Variants in SMC1B observed in about 807,000 individuals in gnomAD.
SMC1B encodes structural maintenance of chromosomes protein 1B.
A neutral mutation model predicts 157.9 loss-of-function variants in SMC1B; 60 were observed. The observed-to-expected ratio is 0.38, with a 90% CI of 0.31 to 0.47. The LOEUF is 0.47. Among genes scored for constraint, SMC1B ranks in the 20% least tolerant of loss-of-function variants. The pLI is 0.99. For missense variants in SMC1B, 1,165 were observed against 1,426.2 expected (o/e 0.82, Z 2.95); for synonymous variants, 445 against 483.0 (o/e 0.92, Z 1.03).
Position 45,408,762 on chromosome 22 carries a change from A to G in SMC1B, c.246T>C (p.Ile82=), listed in dbSNP as rs562926577. ...CTTCGCCACTTTCCTCCACATATATAATTTTTACACTTGCAGAAGAAGAAA... is the reference window on the plus strand; with the variant it reads ...CTTCGCCACTTTCCTCCACATATATGATTTTTACACTTGCAGAAGAAGAAA... ...KPISSSASVK[I]IYVEESGEEK... The change falls in exon 2 of 25, where the codon ATT becomes ATC. Residue 82 remains isoleucine, a synonymous_variant. Transcript: ENST00000357450. The G allele has an allele frequency of 3.5e-5, 56 of 1,599,696 alleles. 1 individual carries two copies. The South Asian group carries it at 6.4e-4, about 18-fold the overall frequency.
chr22:45,387,490 C>T (rs1242097540), intron 10 of SMC1B, among the ~76,000 whole-genome samples: 1 of 152,068 alleles, frequency 6.6e-6, no homozygotes, highest in East Asian at 1.9e-4. Flanking sequence ...TATTACATAC[C>T]ATAAAAGATT....
At chr22:45,399,390 C>A (rs1199601632) in intron 5 of SMC1B, 37 bp from the exon 6 acceptor site, 1 of 1,542,962 alleles carries the variant, frequency 6.5e-7, no homozygotes, top group South Asian at 1.2e-5. Context: ...AAGAAAATTT[C>A]ATTTCTTTAA....
At chr22:45,353,911 A>C (rs962180657) in intron 21 of SMC1B, 67 bp downstream of exon 21, 10 of 714,094 alleles carry the variant, frequency 1.4e-5, no homozygotes, top group Middle Eastern at 3.8e-4. Context: ...AAAAAAAAAA[A>C]AAAAAAAAAC....
intron 1 of SMC1B, among the ~76,000 whole-genome samples, 165 bp downstream of exon 1, chr22:45,413,294 C>T (rs1294753165): frequency 6.6e-6 from 1 of 151,984 alleles, no homozygotes; most frequent in East Asian, 1.9e-4. Context: ...TGGGCAGGGG[C>T]TGGGCCAGGG....
At chr22:45,365,479 C>T (rs540084486) in intron 15 of SMC1B, among the ~76,000 whole-genome samples, 73 of 152,226 alleles carry the variant, frequency 4.8e-4, no homozygotes, top group Middle Eastern at 3.4e-3. Flanking sequence ...CTGAGGTTGG[C>T]AGATCGCTTG....
intron 2 of SMC1B, among the ~76,000 whole-genome samples, chr22:45,407,422 T>C (rs1299516872): frequency 6.6e-6 from 1 of 152,132 alleles, no homozygotes; most frequent in African/African-American, 2.4e-5. Context: ...TCTGCTCACC[T>C]GAGATAAATG....
At chr22:45,393,391 C>T (rs1254591142) in intron 9 of SMC1B, among the ~76,000 whole-genome samples, 1 of 152,134 alleles carries the variant, frequency 6.6e-6, no homozygotes, top group Non-Finnish European at 1.5e-5. Context: ...TTTCTGGGTA[C>T]TATGTTCATG....
At position 45,361,890 on chromosome 22, in the gene SMC1B, T is replaced by G; in HGVS notation, c.2657A>C (p.Lys886Thr). The G allele has an allele frequency of 6.2e-7, 1 of 1,614,174 alleles. No individual in the cohort carries two copies. The highest frequency in any genetic ancestry group is 8.5e-7 in the Non-Finnish European group (1 of 1,180,006). ...IRVTQNSSAE[K>T]VQTQIEEERK... ...TTCCTCTTCAATTTGAGTTTGAACT[T>G]TCTCGGCACTGGAGTTCTGAGTGAC... The change falls in exon 17 of 25, where the codon AAA becomes ACA. Residue 886 changes from lysine (K) to threonine (T), a missense_variant. Lys to Thr is a moderately conservative substitution (Grantham distance 78). Transcript: ENST00000357450.
chr22:45,363,854 AT>A (rs113364308), intron 15 of SMC1B, among the ~76,000 whole-genome samples: 107 of 144,824 alleles, frequency 7.4e-4, no homozygotes, highest in African/African-American at 7.1e-4. Context: ...TCAAATAACT[AT>A]TTTTTTTTTT....
chr22:45,413,361 G>A lies in SMC1B; in HGVS notation c.109+98C>T, dbSNP rs1238974816. ...GGGACTGGAAGGGGAAGGCCGGCCA[G>A]GCGCCCGCGGCAGACGCCCACACCC... On this transcript the variant is annotated intron_variant, in intron 1 of 24. Coordinates refer to ENST00000357450, the MANE Select transcript of SMC1B (RefSeq NM_148674.5). 4.2e-6 allele frequency: 4 copies of A among 949,148 alleles called. No homozygotes were observed. In the East Asian group the frequency reaches 8.2e-5, roughly 19 times the overall value. The allele number at this position is 949,148 out of a possible 1,614,324, so 58.8% of individuals were successfully genotyped here. A position where few individuals can be genotyped will look rare whatever the true frequency, so the allele number is the denominator to read the frequency against.
intron 1 of SMC1B, 135 bp downstream of exon 1, chr22:45,413,324 C>T (rs946663554): frequency 2.8e-5 from 18 of 650,324 alleles, no homozygotes; most frequent in African/African-American, 2.5e-4. Flanking sequence ...GATCCGGTCG[C>T]GGTCAGGCTC....
chr22:45,411,000 T>C (rs1172142501), intron 1 of SMC1B, among the ~76,000 whole-genome samples: 1 of 152,230 alleles, frequency 6.6e-6, no homozygotes, highest in Non-Finnish European at 1.5e-5. Flanking sequence ...AATTTAAGTA[T>C]TAAGTAACAA....
Position 45,383,512 on chromosome 22 carries a change from T to A in SMC1B, c.2013A>T (p.Leu671Phe). The change falls in exon 12 of 25, where the codon TTA becomes TTT. Residue 671 changes from leucine (L) to phenylalanine (F), a missense_variant. Transcript: ENST00000357450. ...YKARCWDEKELKNLRDRRSQK... is the reference protein window; with the variant it reads ...YKARCWDEKEFKNLRDRRSQK... ...GGCTTCGTCTGTCTCTTAGATTCTT[T>A]AACTCTTTCTCATCCCAGCATCTAG... 1 of 1,610,490 alleles carries A rather than the reference T, an allele frequency of 6.2e-7. No homozygotes were observed. Among genetic ancestry groups the A allele is most frequent in the Non-Finnish European group, 8.5e-7 (1 of 1,178,938 alleles).
intron 12 of SMC1B, among the ~76,000 whole-genome samples, chr22:45,382,670 CAT>C (rs1170967972): frequency 6.6e-6 from 1 of 152,074 alleles, no homozygotes; most frequent in Non-Finnish European, 1.5e-5. Context: ...GTTTACAATA[CAT>C]ATGACTAAGA....
chr22:45,361,900 T>C lies in SMC1B; in HGVS notation c.2647A>G (p.Ser883Gly), dbSNP rs1039873604. The change falls in exon 17 of 25, where the codon AGT becomes GGT. Residue 883 changes from serine (S) to glycine (G), a missense_variant. Transcript: ENST00000357450. Reference sequence around the variant, plus strand: ...ATTTGAGTTTGAACTTTCTCGGCACTGGAGTTCTGAGTGACACGTATGTCC... The same window carrying C: ...ATTTGAGTTTGAACTTTCTCGGCACCGGAGTTCTGAGTGACACGTATGTCC... ...LKDIRVTQNSSAEKVQTQIEE... is the reference protein window; with the variant it reads ...LKDIRVTQNSGAEKVQTQIEE... 2 of 1,614,192 alleles carry C rather than the reference T, an allele frequency of 1.2e-6. No individual in the cohort carries two copies. Among genetic ancestry groups the C allele is most frequent in the Non-Finnish European group, 1.7e-6 (2 of 1,180,010 alleles).
At chr22:45,408,572 A>C (rs1262203079) in intron 2 of SMC1B, 138 bp downstream of exon 2, 1 of 552,036 alleles carries the variant, frequency 1.8e-6, no homozygotes, top group Non-Finnish European at 3.1e-6. Context: ...TGCTTCTGAG[A>C]TATGCTATGC....
chr22:45,354,733 A>C (rs2086653488), intron 20 of SMC1B, among the ~76,000 whole-genome samples: 1 of 152,182 alleles, frequency 6.6e-6, no homozygotes. Flanking sequence ...GTATTAAAAA[A>C]ATACATGTGT....
intron 18 of SMC1B, among the ~76,000 whole-genome samples, chr22:45,359,303 G>A (rs1007925171): frequency 6.6e-6 from 1 of 152,098 alleles, no homozygotes; most frequent in African/African-American, 2.4e-5. Context: ...TCCAAATGTG[G>A]TGAAAAAGAA....
chr22:45,370,760 T>C (rs1413703738), intron 14 of SMC1B, among the ~76,000 whole-genome samples: 1 of 152,192 alleles, frequency 6.6e-6, no homozygotes, highest in Non-Finnish European at 1.5e-5. Context: ...GACATCATGC[T>C]CTGTTCAGGG....
Sources: gnomAD v4.1 joint callset for allele counts (sites outside exome capture counted in the v4.1 genomes callset) on GRCh38, gnomAD v4.1.1 for gene constraint, MANE v1.5 for transcripts, NCBI Gene and HGNC (gene_info 2026-07-23, HGNC 2026-07-21) for gene names.